TRPA1: variants seen among roughly 807,000 people sequenced by gnomAD.
TRPA1 encodes the protein ankyrin-like with transmembrane domains 1.
In TRPA1, 129 loss-of-function variants were observed where a neutral mutation model predicts 131.3. The observed-to-expected ratio is 0.98, with a 90% confidence interval of 0.85 to 1.14. The LOEUF is 1.14. TRPA1 is among the 50% of genes most tolerant of loss of function. TRPA1 has a pLI of 0.00. For synonymous variants in TRPA1, 441 were observed against 451.7 expected (o/e 0.98, Z 0.30); for missense variants, 1,304 against 1,354.2 (o/e 0.96, Z 0.58).
At chr8:72,049,096 A>G (rs1805426179) in intron 15 of TRPA1, among the ~76,000 whole-genome samples, 1 of 152,140 alleles carries the variant, frequency 6.6e-6, no homozygotes. Context: ...ACTGGCTCCA[A>G]TTTTCATTAG....
chr8:72,027,096 T>C (rs1811636071), intron 24 of TRPA1, among the ~76,000 whole-genome samples: 1 of 152,170 alleles, frequency 6.6e-6, no homozygotes, highest in Admixed American at 6.6e-5. Context: ...ATTTCTAGGG[T>C]TCCTTTTTTC....
At chr8:72,063,684 A>G (rs1805863894) in intron 4 of TRPA1, 113 bp from the exon 5 acceptor site, 1 of 713,142 alleles carries the variant, frequency 1.4e-6, no homozygotes, top group Non-Finnish European at 2.5e-6. Context: ...TCTATGTAAA[A>G]GTACATAGAG....
intron 3 of TRPA1, among the ~76,000 whole-genome samples, chr8:72,066,032 G>A: frequency 6.6e-6 from 1 of 152,104 alleles, no homozygotes; most frequent in Middle Eastern, 3.2e-3. Flanking sequence ...TTCTCCTCCA[G>A]TTATTTTTCT....
rs540737955 is a variant in TRPA1, at chr8:72,038,145, A to G, written c.2296-73T>C. 47 of 817,770 alleles carry G rather than the reference A, an allele frequency of 5.7e-5. No individual in the cohort carries two copies. The South Asian group carries it at 7.0e-4, about 12-fold the overall frequency. The allele number at this position is 817,770 out of a possible 1,614,324, so 50.7% of individuals were successfully genotyped here. On this transcript the variant is annotated intron_variant, in intron 19 of 26. Transcript: ENST00000262209. ...CTTTAACATTTCCATAATTTTCACT[A>G]TTAAATTTCTTTTTTCTTTTTTTTT...
At chr8:72,053,559 C>T (rs1001771587) in intron 13 of TRPA1, 194 bp downstream of exon 13, 2 of 606,274 alleles carry the variant, frequency 3.3e-6, no homozygotes, top group Admixed American at 2.4e-5. Context: ...CAACATTCAC[C>T]CACCCCTTGG....
chr8:72,055,136 A>G, intron 12 of TRPA1: 1 of 359,794 alleles, frequency 2.8e-6, no homozygotes, highest in South Asian at 2.9e-5. Flanking sequence ...AATATGAGAA[A>G]CTATGTTTCA....
Position 72,046,568 on chromosome 8 carries a change from A to G in TRPA1, c.2006T>C (p.Phe669Ser). Residue 669 changes from phenylalanine to serine, a missense_variant, in exon 17 of 27, where the codon TTC becomes TCC. Phe to Ser is a radical substitution (Grantham distance 155). Coordinates refer to ENST00000262209, the MANE Select transcript of TRPA1 (RefSeq NM_007332.3). ...ATCCTGTGTAGGTGTTTTTTTGGTG[A>G]ATTCTAATGGACATTGAAGATATTT... ...NFKYLQCPLE[F>S]TKKTPTQDVI... is the part of the protein sequence containing the mutation. 6.2e-7 allele frequency: 1 copy of G among 1,600,102 alleles called. No homozygotes were observed. Among genetic ancestry groups the G allele is most frequent in the Non-Finnish European group, 8.5e-7 (1 of 1,170,194 alleles).
In TRPA1 at chr8:72,053,013, G is replaced by T. The variant is rs1277534471; in HGVS notation, c.1645-248C>A. ...TGTGTGTGAGAGATAGAGAAAGAGA[G>T]AGAGAGAGAGAGAGAGAGAGAGAGA... On this transcript the variant is annotated intron_variant, in intron 13 of 26. Transcript: ENST00000262209. 3.0e-4 allele frequency: 65 copies of T among 215,834 alleles called. 1 individual carries two copies. The highest frequency in any genetic ancestry group is 1.9e-3 in the African/African-American group (59 of 30,546). The allele number at this position is 215,834 out of a possible 1,614,324, so 13.4% of individuals were successfully genotyped here. A position where few individuals can be genotyped will look rare whatever the true frequency, so the allele number is the denominator to read the frequency against.
rs758051025 is a variant in TRPA1, at chr8:72,062,914, T to C, written c.692A>G (p.His231Arg). The part of the protein sequence containing the change: ...GEEHGYSRQL[H>R]INFMNNGKAT... ...TTTCCCATTATTCATAAAGTTAATG[T>C]GCAACTGTCTACTGTACCCATGCTC... The change falls in exon 6 of 27, where the codon CAC becomes CGC. Residue 231 changes from histidine to arginine, a missense_variant. Coordinates refer to ENST00000262209, the MANE Select transcript of TRPA1 (RefSeq NM_007332.3). 1 of 1,613,926 alleles carries C rather than the reference T, an allele frequency of 6.2e-7. No homozygotes were observed. Among genetic ancestry groups the C allele is most frequent in the South Asian group, 1.1e-5 (1 of 91,070 alleles).
intron 14 of TRPA1, 129 bp from the exon 15 acceptor site, chr8:72,051,000 C>A: frequency 1.4e-6 from 1 of 698,014 alleles, no homozygotes; most frequent in Non-Finnish European, 2.5e-6. Flanking sequence ...CAATGCTCAC[C>A]CTTGGTTCCA....
At chr8:72,068,689 T>C (rs757594203) in intron 3 of TRPA1, among the ~76,000 whole-genome samples, 1 of 152,200 alleles carries the variant, frequency 6.6e-6, no homozygotes, top group Admixed American at 6.5e-5. Flanking sequence ...AGCCAAGTTA[T>C]TCAAATTCTT....
chr8:72,046,607 A>G lies in TRPA1; in HGVS notation c.1967T>C (p.Ile656Thr). Residue 656 changes from isoleucine (I) to threonine (T), a missense_variant and splice_region_variant, in exon 17 of 27, where the codon ATC (isoleucine) becomes ACC (threonine). Physicochemically the swap from Ile to Thr is moderately conservative, Grantham distance 89. Transcript: ENST00000262209. Reference protein sequence around the residue: ...TEDKSCRDYYIEYNFKYLQCP... With the variant: ...TEDKSCRDYYTEYNFKYLQCP... ...TTGAAGATATTTGAAATTATACTCG[A>G]TCTGTAGAAGACAGAATTTTTTTTA... 1.3e-6 allele frequency: 2 copies of G among 1,545,808 alleles called. No homozygotes were observed. Among genetic ancestry groups the G allele is most frequent in the Non-Finnish European group, 1.8e-6 (2 of 1,121,702 alleles).
chr8:72,033,809 T>C lies in TRPA1; in HGVS notation c.2703A>G (p.Pro901=). The C allele has an allele frequency of 6.2e-7, 1 of 1,613,988 alleles. No homozygotes were observed. The highest frequency in any genetic ancestry group is 1.1e-5 in the South Asian group (1 of 91,082). ...LLNLQDPFSS[P]LLSIIQTFSM... Reference sequence around the variant, plus strand: ...TGAAGGTCTGGATTATAGAAAGCAATGGAGAGCTGAAGGGATCCTGAAAGC... The same window carrying C: ...TGAAGGTCTGGATTATAGAAAGCAACGGAGAGCTGAAGGGATCCTGAAAGC... Residue 901 remains proline (P), a synonymous_variant, in exon 23 of 27, where the codon CCA becomes CCG. Transcript: ENST00000262209.
intron 6 of TRPA1, 136 bp from the exon 7 acceptor site, chr8:72,061,897 T>A: frequency 1.1e-6 from 1 of 933,916 alleles, no homozygotes; most frequent in Non-Finnish European, 1.7e-6. Flanking sequence ...ATTAATCATC[T>A]GAAATGTGAT....
At chr8:72,040,269 A>G (rs776710585) in intron 17 of TRPA1, among the ~76,000 whole-genome samples, 1 of 152,122 alleles carries the variant, frequency 6.6e-6, no homozygotes, top group African/African-American at 2.4e-5. Context: ...GTTTTTAATT[A>G]TTCAAGACAT....
chr8:72,083,125 C>G, the TRPA1 span, among the ~76,000 whole-genome samples: 9 of 152,030 alleles, frequency 5.9e-5, no homozygotes, highest in South Asian at 1.9e-3. Context: ...CTAGAATGCC[C>G]ATTTGGTTCT....
At chr8:72,069,751 A>T (rs1467556917) in intron 2 of TRPA1, among the ~76,000 whole-genome samples, 2 of 151,342 alleles carry the variant, frequency 1.3e-5, no homozygotes, top group African/African-American at 4.9e-5. Flanking sequence ...AAAAAAATTA[A>T]AAAAAAAACA....
chr8:72,035,596 A>AAACTC (rs1048574135), intron 21 of TRPA1, among the ~76,000 whole-genome samples: 1 of 152,172 alleles, frequency 6.6e-6, no homozygotes, highest in African/African-American at 2.4e-5. Context: ...AAATAACATG[A>AAACTC]AACTCAACAT....
intron 17 of TRPA1, among the ~76,000 whole-genome samples, chr8:72,040,504 C>T (rs528385622): frequency 2.6e-5 from 4 of 152,212 alleles, no homozygotes; most frequent in African/African-American, 4.8e-5. Context: ...ACAGATCCTC[C>T]GTCTGGCAAA....
Sources: gnomAD v4.1 joint callset for allele counts (sites outside exome capture counted in the v4.1 genomes callset) on GRCh38, gnomAD v4.1.1 for gene constraint, MANE v1.5 for transcripts, NCBI Gene and HGNC (gene_info 2026-07-23, HGNC 2026-07-21) for gene names.